TM9SF3: variants seen among roughly 807,000 people sequenced by gnomAD.
The protein encoded by TM9SF3 is SM-11044-binding protein.
A neutral mutation model predicts 78.6 loss-of-function variants in TM9SF3; 14 were observed. That is an observed-to-expected ratio of 0.18 (90% CI 0.12 to 0.28). The LOEUF (loss-of-function observed/expected upper bound fraction) is 0.28. Ranked by LOEUF, TM9SF3 falls within the 10% of genes least tolerant of loss-of-function variation. The pLI, the probability that TM9SF3 is intolerant of heterozygous loss-of-function variation, is 1.00. For missense variants in TM9SF3, 496 were observed against 721.9 expected (o/e 0.69, Z 3.59); for synonymous variants, 231 against 241.7 (o/e 0.96, Z 0.41).
At chr10:96,540,934 C>T (rs531875942) in intron 9 of TM9SF3, among the ~76,000 whole-genome samples, 7 of 151,690 alleles carry the variant, frequency 4.6e-5, no homozygotes, top group Non-Finnish European at 8.8e-5. Context: ...CCCACCACCA[C>T]ACCTGGCTAA....
In TM9SF3 at chr10:96,586,863, G is replaced by A. The variant is rs561737482; in HGVS notation, c.-28C>T. Reference sequence around the variant, plus strand: ...TCCGCGCCCCTCCGGCCCGGAGCCGGCTCACCGACTCCTCCTCCCGCCGCC... The same window carrying A: ...TCCGCGCCCCTCCGGCCCGGAGCCGACTCACCGACTCCTCCTCCCGCCGCC... On this transcript the variant is annotated 5_prime_UTR_variant, in exon 1 of 15. Transcript: ENST00000371142. 8.4e-6 allele frequency: 10 copies of A among 1,193,230 alleles called. No homozygotes were observed. The highest frequency in any genetic ancestry group is 4.7e-5 in the Admixed American group (1 of 21,222). The allele number at this position is 1,193,230 out of a possible 1,614,324, so 73.9% of individuals were successfully genotyped here.
chr10:96,521,328 T>C lies in TM9SF3; in HGVS notation c.*935A>G, dbSNP rs1847768682. 6.4e-6 allele frequency: 1 copy of C among 155,890 alleles called. No individual in the cohort carries two copies. Among genetic ancestry groups the C allele is most frequent in the African/African-American group, 2.4e-5 (1 of 41,542 alleles). The allele number at this position is 155,890 out of a possible 1,614,324, so 9.7% of individuals were successfully genotyped here. A position where few individuals can be genotyped will look rare whatever the true frequency, so the allele number is the denominator to read the frequency against. On this transcript the variant is annotated 3_prime_UTR_variant, in exon 15 of 15. Coordinates refer to ENST00000371142, the MANE Select transcript of TM9SF3 (RefSeq NM_020123.4). ...ACACCTACGTTACATTATTTAATGT[T>C]ATATACATTTATTACCCACCCCCCT...
intron 3 of TM9SF3, among the ~76,000 whole-genome samples, chr10:96,564,815 C>T (rs1034228712): frequency 6.6e-6 from 1 of 152,170 alleles, no homozygotes; most frequent in African/African-American, 2.4e-5. Context: ...TTAACTATTC[C>T]ATAGCTCTTC....
At chr10:96,529,632 C>A (rs1847875043) in intron 11 of TM9SF3, among the ~76,000 whole-genome samples, 1 of 145,714 alleles carries the variant, frequency 6.9e-6, no homozygotes, top group Admixed American at 7.1e-5. Flanking sequence ...AAAAAAAAGA[C>A]CATGGCTCTA....
chr10:96,531,472 C>A (rs962165650), intron 10 of TM9SF3, among the ~76,000 whole-genome samples: 1 of 152,000 alleles, frequency 6.6e-6, no homozygotes, highest in Non-Finnish European at 1.5e-5. Context: ...TAGCACAATA[C>A]CTGGCACAAA....
intron 1 of TM9SF3, among the ~76,000 whole-genome samples, chr10:96,583,877 TAC>T (rs1848601470): frequency 6.6e-6 from 1 of 151,940 alleles, no homozygotes; most frequent in South Asian, 2.1e-4. Context: ...CTACTAAAAA[TAC>T]ACAAATTAGC....
At chr10:96,552,570 A>G (rs771337234) in intron 6 of TM9SF3, among the ~76,000 whole-genome samples, 2 of 152,208 alleles carry the variant, frequency 1.3e-5, no homozygotes, top group South Asian at 2.1e-4. Context: ...TGAACCCACT[A>G]AACTGAACAT....
At chr10:96,557,844 A>G (rs1166500725) in intron 5 of TM9SF3, among the ~76,000 whole-genome samples, 3 of 152,086 alleles carry the variant, frequency 2.0e-5, no homozygotes, top group Non-Finnish European at 4.4e-5. Flanking sequence ...GACCCCTGGT[A>G]CTCTTGTTCT....
rs1848312716 is a variant in TM9SF3, at chr10:96,561,920, A to G, written c.582+58T>C. ...TCATTTACTAAAGTTCAAAGCCACA[A>G]ATTGTTGACATCGGGTCACAAACAC... On this transcript the variant is annotated intron_variant, in intron 4 of 14. Transcript: ENST00000371142. The G allele has an allele frequency of 1.5e-5, 22 of 1,446,848 alleles. No homozygotes were observed. In the South Asian group the frequency reaches 2.4e-4, roughly 16 times the overall value. The allele number at this position is 1,446,848 out of a possible 1,614,324, so 89.6% of individuals were successfully genotyped here. A position where few individuals can be genotyped will look rare whatever the true frequency, so the allele number is the denominator to read the frequency against.
At chr10:96,565,694 T>C (rs191220415) in intron 2 of TM9SF3, among the ~76,000 whole-genome samples, 2 of 152,180 alleles carry the variant, frequency 1.3e-5, no homozygotes, top group East Asian at 3.9e-4. Context: ...AAGCAAATTA[T>C]ACAAGAAAAT....
chr10:96,520,567 A>G lies in TM9SF3; in HGVS notation c.*1696T>C. On this transcript the variant is annotated 3_prime_UTR_variant, in exon 15 of 15. Coordinates refer to ENST00000371142, the MANE Select transcript of TM9SF3 (RefSeq NM_020123.4). ...CTTTCTAAAAATAACAATATAAAGT[A>G]TTGTTTTAGGTGGTCATTTGCATAG... The G allele has an allele frequency of 3.6e-6, 1 of 274,200 alleles. No individual in the cohort carries two copies. Among genetic ancestry groups the G allele is most frequent in the Admixed American group, 5.4e-5 (1 of 18,482 alleles). The allele number at this position is 274,200 out of a possible 1,614,324, so 17.0% of individuals were successfully genotyped here.
chr10:96,553,277 G>T (rs969508440), intron 5 of TM9SF3, among the ~76,000 whole-genome samples: 1 of 152,134 alleles, frequency 6.6e-6, no homozygotes, highest in Admixed American at 6.6e-5. Context: ...TTGAAAACAT[G>T]CTATCATTTA....
At chr10:96,572,468 C>A (rs1370316156) in intron 2 of TM9SF3, among the ~76,000 whole-genome samples, 1 of 150,746 alleles carries the variant, frequency 6.6e-6, no homozygotes, top group Non-Finnish European at 1.5e-5. Context: ...GTACTGAATT[C>A]AAACCAGGCT....
chr10:96,525,827 TA>T (rs1051977638), intron 14 of TM9SF3, among the ~76,000 whole-genome samples: 4 of 152,018 alleles, frequency 2.6e-5, no homozygotes, highest in African/African-American at 7.2e-5. Flanking sequence ...ATTTATCAAG[TA>T]AAACACTGAG....
intron 10 of TM9SF3, among the ~76,000 whole-genome samples, chr10:96,531,113 C>T (rs1847889189): frequency 6.6e-6 from 1 of 152,132 alleles, no homozygotes; most frequent in Non-Finnish European, 1.5e-5. Context: ...TTTATAATGG[C>T]ACCAAAGAAA....
At chr10:96,578,080 CATTA>C (rs1848518149) in intron 1 of TM9SF3, among the ~76,000 whole-genome samples, 1 of 152,188 alleles carries the variant, frequency 6.6e-6, no homozygotes, top group Non-Finnish European at 1.5e-5. Context: ...AACCCAAAAA[CATTA>C]ACTTGTATGT....
rs780128178 is a variant in TM9SF3, at chr10:96,527,502, G to T, written c.1542-6C>A. 2.3e-5 allele frequency: 37 copies of T among 1,600,450 alleles called. No individual in the cohort carries two copies. Among genetic ancestry groups the T allele is most frequent in the Non-Finnish European group, 3.0e-5 (35 of 1,171,696 alleles). ...AGAGAAAACTTGTCCATTGCCTGGT[G>T]GGGGGAGGGGGAAAGAAGATAAATC... On this transcript the variant is annotated splice_region_variant and splice_polypyrimidine_tract_variant and intron_variant, in intron 12 of 14. Transcript: ENST00000371142.
chr10:96,553,560 G>C (rs1419782450), intron 5 of TM9SF3, among the ~76,000 whole-genome samples: 4 of 152,054 alleles, frequency 2.6e-5, no homozygotes, highest in Non-Finnish European at 5.9e-5. Context: ...TGAACAATCT[G>C]AAAACCTCCT....
At chr10:96,584,606 T>C (rs894053561) in intron 1 of TM9SF3, among the ~76,000 whole-genome samples, 1 of 152,152 alleles carries the variant, frequency 6.6e-6, no homozygotes, top group Non-Finnish European at 1.5e-5. Flanking sequence ...CCAGTCGTTT[T>C]GAGTTCAAGA....
Sources: allele counts gnomAD v4.1 joint callset (sites outside exome capture counted in the v4.1 genomes callset), GRCh38; gene constraint gnomAD v4.1.1; transcripts MANE v1.5; gene names NCBI Gene and HGNC (gene_info 2026-07-23, HGNC 2026-07-21).